KIF20B: variants seen among roughly 807,000 people sequenced by gnomAD.
KIF20B encodes kinesin family member 20B, also known as kinesin-like protein KIF20B.
Under a neutral mutation model 232.5 loss-of-function variants are expected in KIF20B, and 188 were observed. That is an observed-to-expected ratio of 0.81 (90% CI 0.72 to 0.91). The LOEUF (loss-of-function observed/expected upper bound fraction) is 0.91. KIF20B is among the 40% of genes least tolerant of loss of function. KIF20B has a pLI of 0.00. For synonymous variants in KIF20B, 712 were observed against 683.0 expected (o/e 1.04, Z -0.66); for missense variants, 2,154 against 2,055.9 (o/e 1.05, Z -0.92).
chr10:89,758,860 T>A lies in KIF20B; in HGVS notation c.4658T>A (p.Ile1553Asn). 2 of 1,585,254 alleles carry A rather than the reference T, an allele frequency of 1.3e-6. No homozygotes were observed. The highest frequency in any genetic ancestry group is 1.7e-6 in the Non-Finnish European group (2 of 1,166,474). The change falls in exon 27 of 33, where the codon ATC becomes AAC. Residue 1553 changes from isoleucine (I) to asparagine (N), a missense_variant. Physicochemically the swap from Ile to Asn is moderately radical, Grantham distance 149. Coordinates refer to ENST00000371728, the MANE Select transcript of KIF20B (RefSeq NM_001284259.2). ...KDNEIEQLKR[I>N]ISETSKIETQ... ...AATGAAATTGAACAACTAAAAAGGA[T>A]CATATCAGAGACTTCTAAAATAGTC...
chr10:89,719,221 C>G (rs1842997394), intron 12 of KIF20B, among the ~76,000 whole-genome samples, 198 bp from the exon 13 acceptor site: 1 of 152,154 alleles, frequency 6.6e-6, no homozygotes. Context: ...TAGATTTTTC[C>G]TCTAGTTTAC....
At chr10:89,754,710 C>G (rs764689287) in intron 26 of KIF20B, 37 bp downstream of exon 26, 2 of 1,428,302 alleles carry the variant, frequency 1.4e-6, no homozygotes, top group East Asian at 5.1e-5. Flanking sequence ...ATTTCACCTA[C>G]TTTCCTTGGT....
chr10:89,712,134 A>T lies in KIF20B; in HGVS notation c.675+989A>T, dbSNP rs146157388. ...ATTGTATGACTTTTCTTGTTTACTG[A>T]TTTATTAAAATGTATTTAAAAAAAT... is the stretch of plus-strand genomic sequence containing the variant. On this transcript the variant is annotated intron_variant, in intron 6 of 32. Transcript: ENST00000371728. Among the ~76,000 whole-genome samples the T allele has an allele frequency of 5.7e-3, 864 of 151,788 alleles. 1 individual carries two copies. Among genetic ancestry groups the T allele is most frequent in the Non-Finnish European group, 7.6e-3 (515 of 67,964 alleles).
At chr10:89,745,618 T>C (rs1841893285) in intron 22 of KIF20B, among the ~76,000 whole-genome samples, 1 of 152,088 alleles carries the variant, frequency 6.6e-6, no homozygotes, top group Admixed American at 6.5e-5. Flanking sequence ...TTTTTTGAGA[T>C]GGAGTCTCGC....
intron 23 of KIF20B, among the ~76,000 whole-genome samples, chr10:89,751,049 A>T (rs1842010909): frequency 6.6e-6 from 1 of 152,098 alleles, no homozygotes; most frequent in Admixed American, 6.6e-5. Context: ...GTTGTATCGG[A>T]ATAGTTTAAT....
At chr10:89,717,853 A>G (rs1842966582) in intron 11 of KIF20B, 131 bp downstream of exon 11, 1 of 554,034 alleles carries the variant, frequency 1.8e-6, no homozygotes, top group Non-Finnish European at 3.1e-6. Flanking sequence ...ATAGATTGTG[A>G]TTCAAGTACT....
At chr10:89,730,677 TACAA>T (rs1843299941) in intron 18 of KIF20B, among the ~76,000 whole-genome samples, 1 of 152,032 alleles carries the variant, frequency 6.6e-6, no homozygotes, top group African/African-American at 2.4e-5. Context: ...TGCAGGAAAA[TACAA>T]ACAATTTGTT....
chr10:89,750,406 TA>T (rs1314558724), intron 23 of KIF20B, among the ~76,000 whole-genome samples: 1 of 152,192 alleles, frequency 6.6e-6, no homozygotes, highest in African/African-American at 2.4e-5. Flanking sequence ...AATTCTGTTT[TA>T]CTAGCACACC....
intron 2 of KIF20B, 70 bp from the exon 3 acceptor site, chr10:89,709,097 T>C: frequency 9.6e-7 from 1 of 1,042,814 alleles, no homozygotes; most frequent in Non-Finnish European, 1.5e-6. Context: ...AGTAGCCATG[T>C]TAAGGAAAAA....
Position 89,720,316 on chromosome 10 carries a change from A to G in KIF20B, c.1722+610A>G, listed in dbSNP as rs569166331. 1.8e-4 allele frequency among the ~76,000 whole-genome samples: 28 copies of G among 152,308 alleles called. No homozygotes were observed. In the East Asian group the frequency reaches 5.0e-3, roughly 27 times the overall value. Reference sequence around the variant, plus strand: ...ATTATTTCTTCATGATTTAGGTTTAATACATTAGGGAAGCTTTTTATGTAG... The same window carrying G: ...ATTATTTCTTCATGATTTAGGTTTAGTACATTAGGGAAGCTTTTTATGTAG... On this transcript the variant is annotated intron_variant, in intron 13 of 32. Transcript: ENST00000371728.
chr10:89,710,028 C>T lies in KIF20B; in HGVS notation c.453C>T (p.Tyr151=), dbSNP rs376662889. 2.4e-5 allele frequency: 38 copies of T among 1,604,128 alleles called. No individual in the cohort carries two copies. Among genetic ancestry groups the T allele is most frequent in the Non-Finnish European group, 2.7e-5 (32 of 1,174,964 alleles). The part of the protein sequence containing the change: ...LKGQSRLIFT[Y]GLTNSGKTYT... ...GACAGAGTCGTCTGATTTTTACTTA[C>T]GGGCTAACCAATTCAGGAAAAACAT... The change falls in exon 5 of 33, where the codon TAC becomes TAT. Residue 151 remains tyrosine, a synonymous_variant. Coordinates refer to ENST00000371728, the MANE Select transcript of KIF20B (RefSeq NM_001284259.2).
chr10:89,758,805 G>C lies in KIF20B; in HGVS notation c.4603G>C (p.Ala1535Pro). ...LVAALEIQLK[A>P]LISSNVQKDN... is the part of the protein sequence containing the mutation. ...TGCAGCTTTAGAAATACAGCTAAAA[G>C]CACTGATATCCAGTAATGTACAGAA... Residue 1535 changes from alanine (A) to proline (P), a missense_variant, in exon 27 of 33, where the codon GCA (alanine) becomes CCA (proline). Coordinates refer to ENST00000371728, the MANE Select transcript of KIF20B (RefSeq NM_001284259.2). 1 of 1,607,094 alleles carries C rather than the reference G, an allele frequency of 6.2e-7. No individual in the cohort carries two copies. Among genetic ancestry groups the C allele is most frequent in the South Asian group, 1.1e-5 (1 of 90,086 alleles).
Position 89,758,789 on chromosome 10 carries a change from A to G in KIF20B, c.4587A>G (p.Leu1529=). ...AACGAGATCAACTGGTTGCAGCTTT[A>G]GAAATACAGCTAAAAGCACTGATAT... ...REERDQLVAA[L]EIQLKALISS... is the part of the protein sequence containing the mutation. The change falls in exon 27 of 33, where the codon TTA becomes TTG. Residue 1529 remains leucine, a synonymous_variant. Transcript: ENST00000371728. The G allele has an allele frequency of 1.2e-6, 2 of 1,608,862 alleles. No individual in the cohort carries two copies. Among genetic ancestry groups the G allele is most frequent in the Non-Finnish European group, 1.7e-6 (2 of 1,177,454 alleles).
intron 2 of KIF20B, 110 bp from the exon 3 acceptor site, chr10:89,709,056 AT>A: frequency 1.4e-6 from 1 of 739,006 alleles, no homozygotes; most frequent in South Asian, 1.6e-5. Flanking sequence ...CTGCTTAGAA[AT>A]TCTTTATCAT....
At position 89,724,022 on chromosome 10, in the gene KIF20B, A is replaced by G. The variant is rs1432984208; in HGVS notation, c.1781A>G (p.Lys594Arg). Residue 594 changes from lysine (K) to arginine (R), a missense_variant, in exon 14 of 33, where the codon AAA becomes AGA. By Grantham distance (26) the Lys-to-Arg change is conservative (BLOSUM62 2). Coordinates refer to ENST00000371728, the MANE Select transcript of KIF20B (RefSeq NM_001284259.2). ...AAACTGATAAATGAAAAAAAGGAAA[A>G]ATTAACCTTGGAATTTAAAATTCGA... ...KKKLINEKKE[K>R]LTLEFKIREE... The G allele has an allele frequency of 3.1e-6, 5 of 1,589,474 alleles. No homozygotes were observed. Among genetic ancestry groups the G allele is most frequent in the Admixed American group, 1.8e-5 (1 of 55,736 alleles).
At position 89,726,527 on chromosome 10, in the gene KIF20B, T is replaced by A; in HGVS notation, c.2230+6T>A. ...GTTAAAAAAGAGAGAAAATGGTAAG[T>A]GGATACATTTTACTTTTATTTAGAT... On this transcript the variant is annotated splice_donor_region_variant and intron_variant, in intron 16 of 32. Coordinates refer to ENST00000371728, the MANE Select transcript of KIF20B (RefSeq NM_001284259.2). The A allele has an allele frequency of 6.4e-7, 1 of 1,558,228 alleles. No individual in the cohort carries two copies. The highest frequency in any genetic ancestry group is 8.7e-7 in the Non-Finnish European group (1 of 1,148,244).
rs758186840 is a variant in KIF20B at position 89,725,111 on chromosome 10, C to A, written c.1954C>A (p.Arg652=). Residue 652 remains arginine (R), a synonymous_variant, in exon 15 of 33, where the codon CGA becomes AGA. Coordinates refer to ENST00000371728, the MANE Select transcript of KIF20B (RefSeq NM_001284259.2). ...FKDLVGKCDT[R]EEAAKDICAT... ...GGATTTGGTTGGTAAATGTGACACT[C>A]GAGAAGAAGCAGCGAAAGACATTTG... 5.6e-6 allele frequency: 9 copies of A among 1,613,422 alleles called. No individual in the cohort carries two copies. In the East Asian group the frequency reaches 2.0e-4, roughly 36 times the overall value.
intron 2 of KIF20B, among the ~76,000 whole-genome samples, chr10:89,706,378 G>T (rs940313397): frequency 2.0e-5 from 3 of 152,008 alleles, no homozygotes; most frequent in African/African-American, 7.2e-5. Flanking sequence ...GATTAATAGT[G>T]TCTTGATGAT....
intron 18 of KIF20B, among the ~76,000 whole-genome samples, chr10:89,732,372 C>T (rs1158141884): frequency 1.3e-5 from 2 of 152,076 alleles, no homozygotes; most frequent in African/African-American, 2.4e-5. Flanking sequence ...ATCCTCCGGC[C>T]TCAGCCTCCC....
Sources: allele counts gnomAD v4.1 joint callset (sites outside exome capture counted in the v4.1 genomes callset), GRCh38; gene constraint gnomAD v4.1.1; transcripts MANE v1.5; gene names NCBI Gene and HGNC (gene_info 2026-07-23, HGNC 2026-07-21).